The following FTO variants were observed in gnomAD, a reference collection of about 807,000 sequenced individuals.
The protein encoded by FTO is alpha-ketoglutarate-dependent dioxygenase FTO.
Under a neutral mutation model 63.9 loss-of-function variants are expected in FTO, and 47 were observed. The ratio of observed to expected loss-of-function variants is 0.74; its 90% confidence interval spans 0.58 to 0.94. The LOEUF (loss-of-function observed/expected upper bound fraction) is 0.94. Among genes scored for constraint, FTO ranks in the 40% least tolerant of loss-of-function variants. The pLI, the probability that FTO is intolerant of heterozygous loss-of-function variation, is 0.00. For missense variants in FTO, 562 were observed against 618.1 expected, an observed-to-expected ratio of 0.91 and a Z score of 0.96; for synonymous variants, 207 against 224.4, an observed-to-expected ratio of 0.92 and a Z score of 0.69.
intron 8 of FTO, among the ~76,000 whole-genome samples, chr16:54,054,202 G>A (rs1434162032): frequency 6.6e-6 from 1 of 152,120 alleles, no homozygotes; most frequent in Non-Finnish European, 1.5e-5. Context: ...CCAGGTCTGC[G>A]CTGCCACAAG....
chr16:53,980,938 A>G (rs1300734740), intron 8 of FTO, among the ~76,000 whole-genome samples: 3 of 152,208 alleles, frequency 2.0e-5, no homozygotes, highest in African/African-American at 7.2e-5. Flanking sequence ...CATATTATAC[A>G]CAAGTATAAA....
At chr16:53,751,819 C>T (rs1421189523) in intron 1 of FTO, among the ~76,000 whole-genome samples, 1 of 152,150 alleles carries the variant, frequency 6.6e-6, no homozygotes, top group Non-Finnish European at 1.5e-5. Flanking sequence ...CTCAAAGATA[C>T]TAACAAAAAT....
At chr16:53,798,616 G>C (rs977242493) in intron 1 of FTO, among the ~76,000 whole-genome samples, 1 of 152,118 alleles carries the variant, frequency 6.6e-6, no homozygotes, top group Non-Finnish European at 1.5e-5. Flanking sequence ...TTGCAGTGTA[G>C]CTAAACTTAT....
rs2084286905 is a variant in FTO, at chr16:54,009,368, T to C, written c.1364+75259T>C. ...TGATAATCTAAATTTTAAAAACTTATTTTCCGTTCATCAAACTACTCTTAA... is the reference window on the plus strand; with the variant it reads ...TGATAATCTAAATTTTAAAAACTTACTTTCCGTTCATCAAACTACTCTTAA... On this transcript the variant is annotated intron_variant, in intron 8 of 8. Transcript: ENST00000471389. Among the ~76,000 whole-genome samples the C allele has an allele frequency of 2.0e-5, 3 of 152,192 alleles. No individual in the cohort carries two copies. In the South Asian group the frequency reaches 6.2e-4, roughly 32 times the overall value.
intron 1 of FTO, among the ~76,000 whole-genome samples, chr16:53,724,701 T>C (rs1004940807): frequency 1.3e-5 from 2 of 152,176 alleles, no homozygotes; most frequent in Non-Finnish European, 2.9e-5. Context: ...GGGGAAATAA[T>C]GGGTGGATTT....
intron 2 of FTO, among the ~76,000 whole-genome samples, chr16:53,817,951 T>C (rs2078745326): frequency 6.6e-6 from 1 of 152,214 alleles, no homozygotes; most frequent in South Asian, 2.1e-4. Context: ...ACTGCTAATA[T>C]AAATTTCATG....
At chr16:53,711,381 T>C (rs1365834643) in intron 1 of FTO, 1 of 398,388 alleles carries the variant, frequency 2.5e-6, no homozygotes, top group African/African-American at 2.1e-5. Context: ...TGATTAAGTG[T>C]CGAGTAGTGT....
chr16:53,744,731 G>C (rs940460292), intron 1 of FTO, among the ~76,000 whole-genome samples: 3 of 152,136 alleles, frequency 2.0e-5, no homozygotes, highest in Non-Finnish European at 4.4e-5. Context: ...CTTGTTTACA[G>C]TTGCTTTCCA....
chr16:53,763,392 C>G (rs2077119036), intron 1 of FTO, among the ~76,000 whole-genome samples: 1 of 152,108 alleles, frequency 6.6e-6, no homozygotes, highest in Non-Finnish European at 1.5e-5. Context: ...TTTTAAAAAC[C>G]CGCAGATTGT....
chr16:53,970,483 G>A (rs1470490314), intron 8 of FTO, among the ~76,000 whole-genome samples: 7 of 151,614 alleles, frequency 4.6e-5, no homozygotes, highest in Non-Finnish European at 8.8e-5. Flanking sequence ...CCAACTACTC[G>A]GGAGGCTGAG....
chr16:53,724,320 G>A (rs1385154705), intron 1 of FTO, among the ~76,000 whole-genome samples: 2 of 152,192 alleles, frequency 1.3e-5, no homozygotes, highest in East Asian at 1.9e-4. Flanking sequence ...GGTCACTTAA[G>A]GAAGAGTGGA....
At chr16:53,779,619 T>C (rs1444281335) in intron 1 of FTO, among the ~76,000 whole-genome samples, 2 of 152,248 alleles carry the variant, frequency 1.3e-5, no homozygotes, top group African/African-American at 2.4e-5. Context: ...TGTTTATTTA[T>C]ATAAATGTAA....
chr16:54,040,391 A>G (rs2085042419), intron 8 of FTO: 1 of 152,248 alleles, frequency 6.6e-6, no homozygotes, highest in South Asian at 2.1e-4. Context: ...AAATCAACAC[A>G]CAGATTATTT....
chr16:54,015,862 A>G (rs2084433215), intron 8 of FTO, among the ~76,000 whole-genome samples: 1 of 152,180 alleles, frequency 6.6e-6, no homozygotes, highest in Admixed American at 6.5e-5. Flanking sequence ...CAGGATTCGA[A>G]CCCATGCAGT....
At chr16:53,886,671 C>T (rs1490060967) in intron 6 of FTO, among the ~76,000 whole-genome samples, 7 of 152,200 alleles carry the variant, frequency 4.6e-5, no homozygotes, top group African/African-American at 1.7e-4. Context: ...ATCAGTCCTA[C>T]ATAGCAAACA....
chr16:53,978,582 A>C (rs1488267681), intron 8 of FTO, among the ~76,000 whole-genome samples: 2 of 152,196 alleles, frequency 1.3e-5, no homozygotes, highest in African/African-American at 4.8e-5. Context: ...GAGATTGTAA[A>C]TACATCTGCC....
intron 1 of FTO, among the ~76,000 whole-genome samples, chr16:53,740,995 G>A (rs2076516565): frequency 6.6e-6 from 1 of 152,064 alleles, no homozygotes; most frequent in Non-Finnish European, 1.5e-5. Context: ...TTTTTTAATC[G>A]ACCTTGAGCT....
chr16:54,062,045 A>G (rs1441991841), intron 8 of FTO, among the ~76,000 whole-genome samples: 1 of 152,192 alleles, frequency 6.6e-6, no homozygotes, highest in Non-Finnish European at 1.5e-5. Flanking sequence ...CTTCCTTCCA[A>G]GTAACATGGC....
chr16:53,826,054 C>T lies in FTO; in HGVS notation c.314C>T (p.Thr105Ile). ...ATCCTCATTGGTAATCCAGGCTGCA[C>T]CTACAAGTACCTGAACACCAGGCTC... ...SRILIGNPGC[T>I]YKYLNTRLFT... The change falls in exon 3 of 9, where the codon ACC becomes ATC. Residue 105 changes from threonine (T) to isoleucine (I), a missense_variant. By Grantham distance (89) the Thr-to-Ile change is moderately conservative. Transcript: ENST00000471389. The T allele has an allele frequency of 1.2e-6, 2 of 1,614,142 alleles. No individual in the cohort carries two copies. The highest frequency in any genetic ancestry group is 1.7e-6 in the Non-Finnish European group (2 of 1,180,024).
Sources: allele counts gnomAD v4.1 joint callset (sites outside exome capture counted in the v4.1 genomes callset), GRCh38; gene constraint gnomAD v4.1.1; transcripts MANE v1.5; gene names NCBI Gene and HGNC (gene_info 2026-07-23, HGNC 2026-07-21).